CELF2: variants seen among roughly 807,000 people sequenced by gnomAD.
The protein encoded by CELF2 is CUG triplet repeat RNA-binding protein 2.
In CELF2, 8 loss-of-function variants were observed where a neutral mutation model predicts 62.6. The ratio of observed to expected loss-of-function variants is 0.13; its 90% confidence interval spans 0.07 to 0.23. CELF2 has a LOEUF of 0.23. Ranked by LOEUF, CELF2 falls within the 10% of genes least tolerant of loss-of-function variation. CELF2 has a pLI of 1.00. For missense variants in CELF2, 333 were observed against 671.0 expected, an observed-to-expected ratio of 0.50 and a Z score of 5.56; for synonymous variants, 258 against 250.0, an observed-to-expected ratio of 1.03 and a Z score of -0.30.
intron 1 of CELF2, among the ~76,000 whole-genome samples, chr10:11,036,365 G>A (rs973878903): frequency 6.6e-6 from 1 of 152,194 alleles, no homozygotes; most frequent in Non-Finnish European, 1.5e-5. Context: ...ATTGAGGGCA[G>A]CTTCTATTAA....
chr10:10,577,047 C>A, the CELF2 span, among the ~76,000 whole-genome samples: 1 of 152,148 alleles, frequency 6.6e-6, no homozygotes, highest in Non-Finnish European at 1.5e-5. Flanking sequence ...GGGCTCAGAG[C>A]ACAGCAGAGA....
chr10:11,165,570 G>A lies in CELF2; in HGVS notation c.159G>A (p.Gln53=). The change falls in exon 2 of 13, where the codon CAG becomes CAA. Residue 53 remains glutamine (Q), a synonymous_variant. Transcript: ENST00000633077. This position sits in a 1 kb window ranked among gnomAD's most constrained non-coding sequence, Gnocchi z 7.4. ...DPDAIKMFVG[Q]IPRSWSEKEL... ...ATGCCATTAAGATGTTTGTCGGACAGATCCCCCGGTCATGGTCGGAAAAGG... is the reference window on the plus strand; with the variant it reads ...ATGCCATTAAGATGTTTGTCGGACAAATCCCCCGGTCATGGTCGGAAAAGG... 3.1e-6 allele frequency: 5 copies of A among 1,614,246 alleles called. No individual in the cohort carries two copies. Among genetic ancestry groups the A allele is most frequent in the Non-Finnish European group, 4.2e-6 (5 of 1,180,044 alleles).
chr10:10,857,649 GTA>G (rs779543257), intron 1 of CELF2, among the ~76,000 whole-genome samples: 13,575 of 93,970 alleles, frequency 0.14, 957 homozygotes, highest in Non-Finnish European at 0.18. Flanking sequence ...CATATATATA[GTA>G]TATATATATA....
upstream of CELF2, among the ~76,000 whole-genome samples, chr10:11,004,153 G>A (rs2054812732): frequency 6.6e-6 from 1 of 152,198 alleles, no homozygotes; most frequent in African/African-American, 2.4e-5. The surrounding 1 kb of genome is among the most constrained non-coding windows in gnomAD (Gnocchi z 5.0). Context: ...GTGGGGAACA[G>A]AGTCCACCAT....
chr10:10,485,914 A>C, the CELF2 span, among the ~76,000 whole-genome samples: 1 of 152,230 alleles, frequency 6.6e-6, no homozygotes, highest in East Asian at 1.9e-4. Flanking sequence ...GAGGAAGTGA[A>C]ATCACCCCTG....
intron 2 of CELF2, among the ~76,000 whole-genome samples, chr10:11,166,164 G>A (rs1466628961): frequency 1.3e-5 from 2 of 152,208 alleles, no homozygotes; most frequent in Non-Finnish European, 2.9e-5. Context: ...CCACTGGTGC[G>A]AGGGAGAAAA....
chr10:10,762,824 T>C, the CELF2 span, among the ~76,000 whole-genome samples: 5 of 152,274 alleles, frequency 3.3e-5, no homozygotes, highest in East Asian at 3.9e-4. Flanking sequence ...GGGGGACCAC[T>C]TGAGCCCAGG....
At chr10:10,770,626 A>T in the CELF2 span, among the ~76,000 whole-genome samples, 13 of 152,098 alleles carry the variant, frequency 8.5e-5, no homozygotes, top group African/African-American at 2.7e-4. Flanking sequence ...ATTATTCTTA[A>T]CTGCACAGAG....
At chr10:10,505,703 A>G in the CELF2 span, among the ~76,000 whole-genome samples, 1 of 152,298 alleles carries the variant, frequency 6.6e-6, no homozygotes, top group East Asian at 1.9e-4. Context: ...AGTATGACTG[A>G]AGTCATGAAC....
intron 1 of CELF2, among the ~76,000 whole-genome samples, chr10:11,147,661 A>T (rs2062530451): frequency 6.6e-6 from 1 of 152,216 alleles, no homozygotes. Flanking sequence ...ATGGCAATAT[A>T]TGCAAGGCAA....
chr10:10,624,532 A>T, the CELF2 span, among the ~76,000 whole-genome samples: 1 of 152,216 alleles, frequency 6.6e-6, no homozygotes, highest in African/African-American at 2.4e-5. Context: ...AATTCGGCTC[A>T]TTGATGCATC....
In CELF2 at chr10:11,243,198, G is replaced by A. The variant is rs901721098; in HGVS notation, c.355-5955G>A. 6.6e-5 allele frequency among the ~76,000 whole-genome samples: 10 copies of A among 152,016 alleles called. No homozygotes were observed. The East Asian group carries it at 9.6e-4, about 15-fold the overall frequency. On this transcript the variant is annotated intron_variant, in intron 3 of 12. Coordinates refer to ENST00000633077, the MANE Select transcript of CELF2 (RefSeq NM_001326342.2). The surrounding 1 kb of genome is among the most constrained non-coding windows in gnomAD (Gnocchi z 4.1). ...CTTCAGCAGATGCCTTCTTGGGACC[G>A]CGCTTGACTCTAGTTCCTTCTCCCC... is the stretch of plus-strand genomic sequence containing the variant.
chr10:11,081,215 G>A (rs990863795), intron 1 of CELF2, among the ~76,000 whole-genome samples: 10 of 152,154 alleles, frequency 6.6e-5, no homozygotes, highest in African/African-American at 2.4e-4. Flanking sequence ...AATAGCATCA[G>A]CTAAAAATGT....
the CELF2 span, among the ~76,000 whole-genome samples, chr10:10,670,476 G>C: frequency 2.0e-5 from 3 of 152,222 alleles, no homozygotes; most frequent in Admixed American, 1.3e-4. Flanking sequence ...TGGACAAAAA[G>C]GTACAAAGAA....
At chr10:10,860,393 C>A (rs1180878695) in intron 1 of CELF2, among the ~76,000 whole-genome samples, 1 of 152,188 alleles carries the variant, frequency 6.6e-6, no homozygotes, top group African/African-American at 2.4e-5. Flanking sequence ...GTCCTCAGGC[C>A]ACCTGTGGGT....
In CELF2 at chr10:11,110,236, C is replaced by T. The variant is rs74781504; in HGVS notation, c.75-55250C>T. Among the ~76,000 whole-genome samples, 228 of 152,094 alleles carry T rather than the reference C, an allele frequency of 1.5e-3. No homozygotes were observed. Among genetic ancestry groups the T allele is most frequent in the Middle Eastern group, 3.4e-3 (1 of 294 alleles). On this transcript the variant is annotated intron_variant, in intron 1 of 12. Coordinates refer to ENST00000633077, the MANE Select transcript of CELF2 (RefSeq NM_001326342.2). This position sits in a 1 kb window ranked among gnomAD's most constrained non-coding sequence, Gnocchi z 4.0. ...CTGCATGGAACCCTGAACGTCCTACCGCACTCCAGCATGGGCGACAGAGCA... is the reference window on the plus strand; with the variant it reads ...CTGCATGGAACCCTGAACGTCCTACTGCACTCCAGCATGGGCGACAGAGCA...
chr10:11,171,608 A>G lies in CELF2; in HGVS notation c.271+5926A>G, dbSNP rs538700089. On this transcript the variant is annotated intron_variant, in intron 2 of 12. Coordinates refer to ENST00000633077, the MANE Select transcript of CELF2 (RefSeq NM_001326342.2). ...TCAGAATTGGCCCGAAGGTAGCCCT[A>G]AATCCAGAAGTTTCTTCTGTGCCAT... is the stretch of plus-strand genomic sequence containing the variant. 4.4e-4 allele frequency among the ~76,000 whole-genome samples: 67 copies of G among 152,364 alleles called. 1 individual carries two copies. The South Asian group carries it at 0.013, about 29-fold the overall frequency.
the CELF2 span, among the ~76,000 whole-genome samples, chr10:10,577,987 G>T: frequency 6.6e-6 from 1 of 152,188 alleles, no homozygotes; most frequent in East Asian, 1.9e-4. Context: ...CAGTGTAAAA[G>T]TGTTCCTGTT....
chr10:10,588,837 G>T, the CELF2 span, among the ~76,000 whole-genome samples: 1 of 152,116 alleles, frequency 6.6e-6, no homozygotes. Context: ...TCCTATTCTG[G>T]TGTGGATGCC....
Sources: allele counts gnomAD v4.1 joint callset (sites outside exome capture counted in the v4.1 genomes callset), GRCh38; gene constraint gnomAD v4.1.1; non-coding constraint Gnocchi (gnomAD v3.1); transcripts MANE v1.5; gene names NCBI Gene and HGNC (gene_info 2026-07-23, HGNC 2026-07-21).